Variants in ABCC8 observed in about 807,000 individuals in gnomAD.
ABCC8 encodes ATP-binding cassette sub-family C member 8.
Under a neutral mutation model 188.0 loss-of-function variants are expected in ABCC8, and 137 were observed. The observed-to-expected ratio is 0.73, with a 90% CI of 0.63 to 0.84. The LOEUF (loss-of-function observed/expected upper bound fraction) is 0.84, where lower values mean the gene tolerates loss of function less well. ABCC8 is among the 40% of genes least tolerant of loss of function. The pLI is 0.00. For missense variants in ABCC8, 1,750 were observed against 2,072.7 expected (o/e 0.84, Z 3.02); for synonymous variants, 797 against 846.5 (o/e 0.94, Z 1.01).
chr11:17,418,554 C>G (rs1420147059), intron 16 of ABCC8, among the ~76,000 whole-genome samples: 2 of 152,216 alleles, frequency 1.3e-5, no homozygotes. Flanking sequence ...CAAATTCCAG[C>G]TCTGTGGCCA....
At chr11:17,410,489 T>C (rs778020420) in intron 22 of ABCC8, 27 bp downstream of exon 22, 7 of 1,613,316 alleles carry the variant, frequency 4.3e-6, no homozygotes, top group East Asian at 4.5e-5. Context: ...CTGCCCCCTA[T>C]AGCCTGACCC....
chr11:17,403,961 A>G (rs969007753), intron 28 of ABCC8, among the ~76,000 whole-genome samples: 50 of 152,234 alleles, frequency 3.3e-4, no homozygotes, highest in South Asian at 2.1e-4. Context: ...CCCAGAAAGA[A>G]CTCCCTAGAG....
At chr11:17,396,497 C>A (rs772319203) in intron 33 of ABCC8, 1 of 294,008 alleles carries the variant, frequency 3.4e-6, no homozygotes, top group Admixed American at 4.8e-5. Flanking sequence ...GAGTGGGAAA[C>A]GAGAGGAGAG....
intron 9 of ABCC8, 93 bp downstream of exon 9, chr11:17,443,085 G>GTCAAAT: frequency 6.5e-7 from 1 of 1,539,500 alleles, no homozygotes. Flanking sequence ...CAAAGTCAAA[G>GTCAAAT]TCAATGACAG....
intron 22 of ABCC8, chr11:17,410,265 C>T: frequency 2.0e-6 from 1 of 497,430 alleles, no homozygotes; most frequent in East Asian, 3.3e-5. Flanking sequence ...CTTCTTGGTG[C>T]CAGCCTTGAG....
At chr11:17,449,457 G>C (rs1181779088) in intron 7 of ABCC8, among the ~76,000 whole-genome samples, 1 of 152,148 alleles carries the variant, frequency 6.6e-6, no homozygotes, top group East Asian at 1.9e-4. Context: ...TGTGTTACAC[G>C]ACCGCGTGAG....
At chr11:17,470,419 A>G in intron 2 of ABCC8, 197 bp from the exon 3 acceptor site, 1 of 392,306 alleles carries the variant, frequency 2.5e-6, no homozygotes, top group Non-Finnish European at 3.5e-6. Flanking sequence ...AGCTGGGTAT[A>G]TGATCTGGAG....
chr11:17,392,869 G>T, downstream of ABCC8: 1 of 1,262,774 alleles, frequency 7.9e-7, no homozygotes, highest in Non-Finnish European at 1.1e-6. Flanking sequence ...CTGCCCACCA[G>T]ACTTAGGGCC....
chr11:17,398,593 T>C, intron 29 of ABCC8, 152 bp from the exon 30 acceptor site: 1 of 1,426,850 alleles, frequency 7.0e-7, no homozygotes, highest in Non-Finnish European at 9.6e-7. Flanking sequence ...CTCTGGAATG[T>C]CCACCCCACT....
chr11:17,393,972 G>T, intron 37 of ABCC8: 1 of 623,936 alleles, frequency 1.6e-6, no homozygotes, highest in Non-Finnish European at 2.0e-6. Flanking sequence ...TGTAGGTTGT[G>T]GTTGTGGCTG....
At position 17,461,511 on chromosome 11, in the gene ABCC8, C is replaced by T. The variant is rs1564976503; in HGVS notation, c.822+72G>A. The stretch of plus-strand genomic sequence containing the variant: ...TCCCACCAGGATTTTGACCTAATGC[C>T]CTTTGAGGTCCCTCTCTGTGACCCT... On this transcript the variant is annotated intron_variant, in intron 5 of 38. Transcript: ENST00000389817. 2.5e-6 allele frequency: 4 copies of T among 1,591,874 alleles called. No homozygotes were observed. In the Admixed American group the frequency reaches 5.0e-5, roughly 20 times the overall value.
chr11:17,442,711 T>C lies in ABCC8; in HGVS notation c.1630+9A>G, dbSNP rs1956364530. ...AGCACCCAGGGCTGGCTGTGTGGGG[T>C]GAACTCACTGGAGATGGAGGTATAG... On this transcript the variant is annotated intron_variant, in intron 10 of 38. Coordinates refer to ENST00000389817, the MANE Select transcript of ABCC8 (RefSeq NM_000352.6). 6.2e-7 allele frequency: 1 copy of C among 1,612,898 alleles called. No homozygotes were observed. Among genetic ancestry groups the C allele is most frequent in the Non-Finnish European group, 8.5e-7 (1 of 1,179,868 alleles).
At chr11:17,456,079 G>C (rs1956986040) in intron 6 of ABCC8, among the ~76,000 whole-genome samples, 1 of 151,944 alleles carries the variant, frequency 6.6e-6, no homozygotes, top group Admixed American at 6.6e-5. Flanking sequence ...GCACTGGTCA[G>C]CACCCTGCAG....
intron 22 of ABCC8, among the ~76,000 whole-genome samples, chr11:17,409,245 C>T (rs1402250576): frequency 6.6e-6 from 1 of 152,102 alleles, no homozygotes; most frequent in African/African-American, 2.4e-5. Context: ...GCATTAGCCA[C>T]CGCGCCCGGC....
intron 10 of ABCC8, among the ~76,000 whole-genome samples, chr11:17,438,058 C>T (rs537075953): frequency 3.9e-5 from 6 of 152,160 alleles, no homozygotes; most frequent in Admixed American, 2.0e-4. Flanking sequence ...GTTGAGATCG[C>T]GCCACTGCAC....
chr11:17,423,292 G>A (rs1009455403), intron 16 of ABCC8, among the ~76,000 whole-genome samples: 2 of 144,302 alleles, frequency 1.4e-5, no homozygotes, highest in Non-Finnish European at 3.0e-5. Flanking sequence ...AGGAGGCAGA[G>A]CTTGTGAGGA....
At chr11:17,395,965 T>C (rs1165526170) in intron 33 of ABCC8, 35 bp from the exon 34 acceptor site, 1 of 1,555,092 alleles carries the variant, frequency 6.4e-7, no homozygotes, top group Non-Finnish European at 8.7e-7. Context: ...CCACTGGGAC[T>C]CTGGGGCTGC....
chr11:17,412,384 G>T (rs1954854470), intron 21 of ABCC8, among the ~76,000 whole-genome samples: 1 of 152,240 alleles, frequency 6.6e-6, no homozygotes, highest in Admixed American at 6.5e-5. Context: ...TAAGTGTTGA[G>T]GGGTTGGGCT....
intron 7 of ABCC8, among the ~76,000 whole-genome samples, chr11:17,452,110 G>C (rs920777367): frequency 6.6e-6 from 1 of 152,182 alleles, no homozygotes; most frequent in African/African-American, 2.4e-5. Context: ...CTCTCAATCA[G>C]GATGTCTCTC....
Sources: gnomAD v4.1 joint callset for allele counts (sites outside exome capture counted in the v4.1 genomes callset) on GRCh38, gnomAD v4.1.1 for gene constraint, MANE v1.5 for transcripts, NCBI Gene and HGNC (gene_info 2026-07-23, HGNC 2026-07-21) for gene names.